GNAQ: variants seen among roughly 807,000 people sequenced by gnomAD.
GNAQ encodes G protein subunit alpha q.
In GNAQ, 8 loss-of-function variants were observed where a neutral mutation model predicts 43.9. That is an observed-to-expected ratio of 0.18 (90% CI 0.11 to 0.33). GNAQ has a LOEUF of 0.33. Ranked by LOEUF, GNAQ falls within the 10% of genes least tolerant of loss-of-function variation. GNAQ has a pLI of 1.00. For missense variants in GNAQ, 158 were observed against 450.8 expected (o/e 0.35, Z 5.88); for synonymous variants, 155 against 170.7 (o/e 0.91, Z 0.71).
At chr9:78,021,661 C>T (rs183366959) in intron 1 of GNAQ, among the ~76,000 whole-genome samples, 155 of 152,312 alleles carry the variant, frequency 1.0e-3, no homozygotes, top group African/African-American at 3.6e-3. Flanking sequence ...AGTGCTCAGG[C>T]TCATTGGCCA....
intron 1 of GNAQ, among the ~76,000 whole-genome samples, chr9:77,978,971 G>A (rs1457430644): frequency 3.3e-5 from 5 of 152,132 alleles, no homozygotes; most frequent in African/African-American, 7.2e-5. Flanking sequence ...CACGAGAATC[G>A]CTTGAAACTG....
chr9:77,721,575 A>G lies in GNAQ; in HGVS notation c.890-62T>C, dbSNP rs2118191949. ...TAATCTGCTAATGTATTCAATCATC[A>G]TTGGTTCAATAAATACTGTGTCATT... On this transcript the variant is annotated intron_variant, in intron 6 of 6. Transcript: ENST00000286548. The G allele has an allele frequency of 3.2e-6, 3 of 944,132 alleles. No individual in the cohort carries two copies. The South Asian group carries it at 4.3e-5, about 14-fold the overall frequency. The allele number at this position is 944,132 out of a possible 1,614,324, so 58.5% of individuals were successfully genotyped here.
At chr9:77,977,073 C>T (rs1050603632) in intron 1 of GNAQ, among the ~76,000 whole-genome samples, 1 of 152,186 alleles carries the variant, frequency 6.6e-6, no homozygotes, top group Non-Finnish European at 1.5e-5. Flanking sequence ...CTCAGAGTAC[C>T]CCTTTTTATC....
intron 2 of GNAQ, among the ~76,000 whole-genome samples, chr9:77,816,176 T>C (rs768517654): frequency 3.3e-5 from 5 of 152,176 alleles, no homozygotes; most frequent in African/African-American, 9.6e-5. Context: ...ACATATAATA[T>C]AGCCAGCTTA....
chr9:77,962,661 G>A (rs551674634), intron 1 of GNAQ, among the ~76,000 whole-genome samples: 36 of 152,028 alleles, frequency 2.4e-4, no homozygotes, highest in Admixed American at 8.5e-4. Context: ...AGGCCGAGGC[G>A]GGCGGATCAC....
chr9:77,863,204 AAGGAAGGAAGGAAGGG>A (rs1395280871), intron 2 of GNAQ, among the ~76,000 whole-genome samples: 18 of 150,660 alleles, frequency 1.2e-4, no homozygotes, highest in South Asian at 6.4e-4. Flanking sequence ...GGAAGGAAGG[AAGGAAGGAAGGAAGGG>A]AGGAAGGAAG....
chr9:77,849,179 A>G (rs1827633332), intron 2 of GNAQ, among the ~76,000 whole-genome samples: 2 of 152,202 alleles, frequency 1.3e-5, no homozygotes, highest in Non-Finnish European at 2.9e-5. Flanking sequence ...GACGTCGATT[A>G]TTTAACCGTG....
At chr9:77,887,965 G>A (rs553338749) in intron 2 of GNAQ, among the ~76,000 whole-genome samples, 2 of 152,228 alleles carry the variant, frequency 1.3e-5, no homozygotes, top group Non-Finnish European at 2.9e-5. Context: ...AAGTGTAATC[G>A]GGATGCTCCT....
At chr9:77,907,954 C>T (rs1468454748) in intron 2 of GNAQ, among the ~76,000 whole-genome samples, 1 of 152,124 alleles carries the variant, frequency 6.6e-6, no homozygotes, top group African/African-American at 2.4e-5. Context: ...AGTATACGAG[C>T]TGCCTTTAGG....
chr9:77,868,143 T>C (rs949350693), intron 2 of GNAQ, among the ~76,000 whole-genome samples: 10 of 152,208 alleles, frequency 6.6e-5, no homozygotes, highest in South Asian at 2.1e-4. Context: ...TCACAGCATA[T>C]AGCATATGAA....
rs1824063916 is a variant in GNAQ, at chr9:78,031,639, C to T, written c.-404G>A. Among the ~76,000 whole-genome samples the T allele has an allele frequency of 1.4e-5, 2 of 147,792 alleles. No homozygotes were observed. Among genetic ancestry groups the T allele is most frequent in the South Asian group, 4.2e-4 (2 of 4,814 alleles). ...AGGCTCCCCTACGCCGTGCGCCTGGCGGCGAGAGCTCATTCACCGGGGTGT... is the reference window on the plus strand; with the variant it reads ...AGGCTCCCCTACGCCGTGCGCCTGGTGGCGAGAGCTCATTCACCGGGGTGT... On this transcript the variant is annotated 5_prime_UTR_variant, in exon 1 of 7. Coordinates refer to ENST00000286548, the MANE Select transcript of GNAQ (RefSeq NM_002072.5).
chr9:78,027,289 T>C (rs190715980), intron 1 of GNAQ, among the ~76,000 whole-genome samples: 96 of 152,334 alleles, frequency 6.3e-4, no homozygotes, highest in African/African-American at 2.4e-4. Context: ...TATGTTTCTA[T>C]ACATTTATTC....
intron 2 of GNAQ, among the ~76,000 whole-genome samples, chr9:77,896,948 T>G (rs1182284464): frequency 6.6e-6 from 1 of 152,052 alleles, no homozygotes; most frequent in Admixed American, 6.5e-5. Flanking sequence ...TGGGCAGCTG[T>G]GTTTTGTCCT....
rs183679118 is a variant in GNAQ at position 78,013,470 on chromosome 9, C to A, written c.136+17630G>T. Among the ~76,000 whole-genome samples the A allele has an allele frequency of 1.8e-3, 280 of 152,126 alleles. 2 individuals carry two copies. The highest frequency in any genetic ancestry group is 5.9e-3 in the African/African-American group (245 of 41,498). ...TAATGCTATCCCTCCCCGCTCCCCC[C>A]ACCCCACAACAGGCCCCGGTTTGTG... On this transcript the variant is annotated intron_variant, in intron 1 of 6. Coordinates refer to ENST00000286548, the MANE Select transcript of GNAQ (RefSeq NM_002072.5).
chr9:77,826,502 G>A (rs1375015284), intron 2 of GNAQ, among the ~76,000 whole-genome samples: 1 of 152,194 alleles, frequency 6.6e-6, no homozygotes, highest in Non-Finnish European at 1.5e-5. Context: ...CTAGATGCTT[G>A]TGTTATGAGT....
intron 1 of GNAQ, among the ~76,000 whole-genome samples, chr9:78,030,353 A>G (rs1824035108): frequency 6.6e-6 from 1 of 152,108 alleles, no homozygotes; most frequent in African/African-American, 2.4e-5. Context: ...AGACGAGAAT[A>G]ACGCCTGTCA....
At chr9:77,779,624 T>C (rs757374546) in intron 5 of GNAQ, among the ~76,000 whole-genome samples, 11 of 147,726 alleles carry the variant, frequency 7.4e-5, no homozygotes, top group Non-Finnish European at 1.3e-4. Context: ...AAGCTGATTC[T>C]TCGAAAAGAT....
chr9:77,908,922 A>C (rs754495363), intron 2 of GNAQ, among the ~76,000 whole-genome samples: 13 of 152,328 alleles, frequency 8.5e-5, no homozygotes, highest in Non-Finnish European at 1.8e-4. Flanking sequence ...TTCGAGAAGC[A>C]ATACTCTAGA....
At chr9:77,919,666 T>C (rs2118264796) in intron 2 of GNAQ, among the ~76,000 whole-genome samples, 1 of 152,174 alleles carries the variant, frequency 6.6e-6, no homozygotes, top group Admixed American at 6.5e-5. Flanking sequence ...TGAAAGTCAT[T>C]TGTAATATGA....
Sources: allele counts gnomAD v4.1 joint callset (sites outside exome capture counted in the v4.1 genomes callset), GRCh38; gene constraint gnomAD v4.1.1; transcripts MANE v1.5; gene names NCBI Gene and HGNC (gene_info 2026-07-23, HGNC 2026-07-21).